RBFOX2: variants seen among roughly 807,000 people sequenced by gnomAD.
The protein encoded by RBFOX2 is RNA binding protein fox-1 homolog 2.
Under a neutral mutation model 49.1 loss-of-function variants are expected in RBFOX2, and 10 were observed. That is an observed-to-expected ratio of 0.20 (90% CI 0.13 to 0.35). RBFOX2 has a LOEUF of 0.35. Ranked by LOEUF, RBFOX2 falls within the 10% of genes least tolerant of loss-of-function variation. The pLI is 1.00. For missense variants in RBFOX2, 323 were observed against 486.9 expected (o/e 0.66, Z 3.17); for synonymous variants, 183 against 187.4 (o/e 0.98, Z 0.19).
chr22:35,783,359 A>G (rs1328668128), intron 2 of RBFOX2, among the ~76,000 whole-genome samples: 3 of 152,218 alleles, frequency 2.0e-5, no homozygotes, highest in Non-Finnish European at 4.4e-5. Context: ...AATCATTGCT[A>G]AGCCTTGTTT....
intron 1 of RBFOX2, among the ~76,000 whole-genome samples, chr22:36,020,528 C>T (rs1389583803): frequency 4.6e-5 from 7 of 152,142 alleles, no homozygotes; most frequent in African/African-American, 1.4e-4. Context: ...CCAGAATCTA[C>T]AATGAACTCA....
chr22:35,923,361 T>C (rs536085263), intron 1 of RBFOX2, among the ~76,000 whole-genome samples: 2 of 152,146 alleles, frequency 1.3e-5, no homozygotes, highest in African/African-American at 2.4e-5. Flanking sequence ...TTTCCTTTTA[T>C]TTCCCCAACT....
At chr22:35,802,568 A>G (rs545008048) in intron 2 of RBFOX2, among the ~76,000 whole-genome samples, 48 of 152,042 alleles carry the variant, frequency 3.2e-4, no homozygotes, top group Non-Finnish European at 5.7e-4. Flanking sequence ...AAAACCAGCA[A>G]TTTTCACTGC....
chr22:36,028,378 G>T, exon 1 of RBFOX2: 1 of 1,350,048 alleles, frequency 7.4e-7, no homozygotes. Flanking sequence ...GGGCGGCGGC[G>T]CCGGGCCCGA....
chr22:35,939,565 A>G (rs1465570517), upstream of RBFOX2, among the ~76,000 whole-genome samples: 1 of 152,226 alleles, frequency 6.6e-6, no homozygotes, highest in East Asian at 1.9e-4. Flanking sequence ...ATATTTACTT[A>G]GCTTACTTGT....
chr22:35,990,835 C>G (rs914375990), intron 1 of RBFOX2, among the ~76,000 whole-genome samples: 1 of 152,068 alleles, frequency 6.6e-6, no homozygotes, highest in African/African-American at 2.4e-5. Flanking sequence ...GTTAGACTAG[C>G]CAGATTACAC....
intron 1 of RBFOX2, 64 bp downstream of exon 2, chr22:35,938,783 G>A: frequency 6.8e-7 from 1 of 1,474,376 alleles, no homozygotes; most frequent in Non-Finnish European, 9.5e-7. Flanking sequence ...CTCTATCATA[G>A]CAACCCTTTG....
chr22:35,903,734 G>A (rs149842752), intron 1 of RBFOX2, among the ~76,000 whole-genome samples: 11 of 152,172 alleles, frequency 7.2e-5, no homozygotes, highest in South Asian at 2.1e-4. Context: ...CCAACCTACA[G>A]CAACTTCTGT....
At chr22:36,014,121 T>TC in intron 1 of RBFOX2, among the ~76,000 whole-genome samples, 1 of 151,548 alleles carries the variant, frequency 6.6e-6, no homozygotes, top group Non-Finnish European at 1.5e-5. Flanking sequence ...TATTATCATT[T>TC]CTTTTTTTTT....
chr22:35,740,314 G>C lies in RBFOX2; in HGVS notation c.*3881C>G, dbSNP rs546078096. On this transcript the variant is annotated 3_prime_UTR_variant, in exon 12 of 12. Transcript: ENST00000405409. The stretch of plus-strand genomic sequence containing the variant: ...AGGAAAGGGAGGGAAGAGGCTTTTG[G>C]ACAGTAACATTTCCAAAAAAATATA... 2.6e-5 allele frequency: 4 copies of C among 152,670 alleles called. No individual in the cohort carries two copies. The South Asian group carries it at 6.2e-4, about 24-fold the overall frequency. The allele number at this position is 152,670 out of a possible 1,614,324, so 9.5% of individuals were successfully genotyped here.
chr22:35,758,394 T>C (rs11703687), intron 9 of RBFOX2, among the ~76,000 whole-genome samples: 118 of 152,314 alleles, frequency 7.7e-4, no homozygotes, highest in Non-Finnish European at 1.4e-3. Context: ...GGAAGTCCCA[T>C]GTTTCTGGTG....
At position 35,825,207 on chromosome 22, in the gene RBFOX2, AATAAG is replaced by A. The variant is rs532682902; in HGVS notation, c.27+14980_27+14984del. On this transcript the variant is annotated intron_variant, in intron 1 of 11. Transcript: ENST00000405409. ...TGTACTCCAGCCTGGGAGTGCAGTT[AATAAG>A]ATAAAATTTTGGGAAGCCAAAATGC... 1.1e-4 allele frequency among the ~76,000 whole-genome samples: 16 copies of A among 152,248 alleles called. No individual in the cohort carries two copies. The East Asian group carries it at 2.9e-3, about 28-fold the overall frequency.
intron 10 of RBFOX2, among the ~76,000 whole-genome samples, chr22:35,746,222 G>A (rs1487470890): frequency 1.3e-5 from 2 of 152,220 alleles, no homozygotes; most frequent in Non-Finnish European, 2.9e-5. Flanking sequence ...AGTTGGAGAT[G>A]AGGAAGAGAG....
At chr22:36,028,334 G>A (rs753139342) in exon 1 of RBFOX2, 13 of 1,497,774 alleles carry the variant, frequency 8.7e-6, no homozygotes, top group South Asian at 5.0e-5. Context: ...TCCGGGCACC[G>A]GCAGCTCCAG....
intron 1 of RBFOX2, among the ~76,000 whole-genome samples, chr22:35,987,774 G>A (rs1438585471): frequency 6.6e-6 from 1 of 152,100 alleles, no homozygotes; most frequent in African/African-American, 2.4e-5. Flanking sequence ...GGTTCATAAG[G>A]CAAGCTCCCA....
chr22:35,936,155 T>C (rs2053040599), intron 1 of RBFOX2, among the ~76,000 whole-genome samples: 1 of 145,546 alleles, frequency 6.9e-6, no homozygotes, highest in African/African-American at 2.6e-5. Context: ...AAGGCTGCAG[T>C]GAGCCATGTT....
intron 1 of RBFOX2, among the ~76,000 whole-genome samples, chr22:35,969,166 C>T (rs1006428908): frequency 1.3e-5 from 2 of 152,178 alleles, no homozygotes; most frequent in African/African-American, 4.8e-5. Flanking sequence ...GAGGTACCTG[C>T]CTGCCTCTAG....
intron 1 of RBFOX2, among the ~76,000 whole-genome samples, chr22:35,907,069 G>A (rs1351139615): frequency 2.0e-5 from 3 of 152,198 alleles, no homozygotes; most frequent in Non-Finnish European, 4.4e-5. Context: ...GGAAGCCGCA[G>A]AATGGTCTTC....
intron 1 of RBFOX2, among the ~76,000 whole-genome samples, chr22:35,820,995 GAGA>G (rs1295046438): frequency 2.6e-5 from 4 of 152,150 alleles, no homozygotes; most frequent in African/African-American, 9.7e-5. Context: ...GGGTATGAAG[GAGA>G]AGAAGACTAC....
Sources: allele counts gnomAD v4.1 joint callset (sites outside exome capture counted in the v4.1 genomes callset), GRCh38; gene constraint gnomAD v4.1.1; transcripts MANE v1.5; gene names NCBI Gene and HGNC (gene_info 2026-07-23, HGNC 2026-07-21).